HMGB1: variants seen among roughly 807,000 people sequenced by gnomAD.
HMGB1 encodes the protein high mobility group protein B1.
For missense variants in HMGB1, 79 were observed against 253.5 expected (o/e 0.31, Z 4.67); for synonymous variants, 81 against 84.0 (o/e 0.96, Z 0.19).
chr13:30,613,648 T>A (rs749563447), intron 1 of HMGB1, among the ~76,000 whole-genome samples: 8 of 152,244 alleles, frequency 5.3e-5, no homozygotes, highest in Non-Finnish European at 1.2e-4. Context: ...ATATTATGTA[T>A]GTACATACAT....
chr13:30,475,107 C>A (rs1270699017), intron 1 of HMGB1, among the ~76,000 whole-genome samples: 1 of 107,294 alleles, frequency 9.3e-6, no homozygotes, highest in African/African-American at 3.7e-5. Flanking sequence ...GTGGTGCAAC[C>A]TTGGCTCACT....
chr13:30,504,685 T>C (rs777370983), intron 1 of HMGB1, among the ~76,000 whole-genome samples: 7 of 152,142 alleles, frequency 4.6e-5, no homozygotes, highest in African/African-American at 1.7e-4. Context: ...GGATTATCCT[T>C]ACAGATGAAA....
intron 1 of HMGB1, among the ~76,000 whole-genome samples, chr13:30,558,505 A>G (rs899749475): frequency 2.0e-5 from 3 of 152,254 alleles, no homozygotes; most frequent in Admixed American, 1.3e-4. Context: ...TCATGTAAAA[A>G]AAGATTTTTT....
chr13:30,505,657 C>T (rs113559317), intron 1 of HMGB1, among the ~76,000 whole-genome samples: 4 of 151,942 alleles, frequency 2.6e-5, no homozygotes, highest in African/African-American at 7.3e-5. Context: ...TAGAGTATAA[C>T]GAAACCCCCT....
At chr13:30,488,439 C>G (rs1253326577) in intron 1 of HMGB1, among the ~76,000 whole-genome samples, 1 of 151,932 alleles carries the variant, frequency 6.6e-6, no homozygotes, top group African/African-American at 2.4e-5. Context: ...AAGTAGTAAA[C>G]AGACATCCAC....
Position 30,461,604 on chromosome 13 carries a change from G to A in HMGB1, c.472-71C>T. The A allele has an allele frequency of 2.5e-6, 4 of 1,572,360 alleles. No homozygotes were observed. In the South Asian group the frequency reaches 4.7e-5, roughly 18 times the overall value. On this transcript the variant is annotated intron_variant, in intron 4 of 4. Transcript: ENST00000341423. ...TTAAGGAAAGAAATAGAACATGGCA[G>A]AACTTTATGAAAGAAATCAAGATTC... is the stretch of plus-strand genomic sequence containing the variant.
intron 1 of HMGB1, among the ~76,000 whole-genome samples, chr13:30,521,226 G>C (rs1888231717): frequency 6.6e-6 from 1 of 152,000 alleles, no homozygotes; most frequent in South Asian, 2.1e-4. Flanking sequence ...CGGTTTTATT[G>C]AAATGAAATT....
At chr13:30,553,658 A>C in intron 1 of HMGB1, 2 of 721,786 alleles carry the variant, frequency 2.8e-6, no homozygotes, top group South Asian at 3.0e-5. Context: ...AAGATTCACT[A>C]TTTGTCCCAG....
chr13:30,595,293 G>A (rs1480182361), intron 1 of HMGB1, among the ~76,000 whole-genome samples: 1 of 152,118 alleles, frequency 6.6e-6, no homozygotes, highest in South Asian at 2.1e-4. Context: ...AATGGTAGAG[G>A]TAATTTGCAC....
At chr13:30,553,674 C>A in intron 1 of HMGB1, 1 of 790,590 alleles carries the variant, frequency 1.3e-6, no homozygotes, top group Non-Finnish European at 2.2e-6. Flanking sequence ...CCCAGCCATG[C>A]CCACCATCAT....
intron 1 of HMGB1, among the ~76,000 whole-genome samples, chr13:30,477,524 C>T (rs1430084364): frequency 6.6e-6 from 1 of 152,194 alleles, no homozygotes; most frequent in East Asian, 1.9e-4. Context: ...GAAGCTTGTG[C>T]CAACACAGTG....
At chr13:30,483,724 C>T (rs1887293602) in intron 1 of HMGB1, among the ~76,000 whole-genome samples, 1 of 151,394 alleles carries the variant, frequency 6.6e-6, no homozygotes, top group Non-Finnish European at 1.5e-5. Context: ...AGCGATCCTC[C>T]CTCCTCAGCC....
At chr13:30,471,654 CTTTTTTTTTTTTTT>C (rs1171119586) in intron 1 of HMGB1, among the ~76,000 whole-genome samples, 1 of 30,616 alleles carries the variant, frequency 3.3e-5, no homozygotes, top group Non-Finnish European at 5.7e-5. Flanking sequence ...CGTGCCCGGC[CTTTTTTTTTTTTTT>C]TTTTTTTTTT....
chr13:30,463,143 C>G, intron 3 of HMGB1, 64 bp downstream of exon 3: 1 of 1,491,712 alleles, frequency 6.7e-7, no homozygotes, highest in African/African-American at 1.4e-5. Flanking sequence ...AAGTAGCTTG[C>G]TAAATTTCTC....
intron 1 of HMGB1, among the ~76,000 whole-genome samples, chr13:30,543,806 GT>G (rs1369478360): frequency 6.6e-6 from 1 of 152,162 alleles, no homozygotes; most frequent in Non-Finnish European, 1.5e-5. Context: ...CTTATTGAGA[GT>G]TTACAGTCAA....
chr13:30,464,440 G>A (rs1456177724), intron 1 of HMGB1: 3 of 985,228 alleles, frequency 3.0e-6, no homozygotes, highest in Non-Finnish European at 3.6e-6. Flanking sequence ...TTTTGGAGCC[G>A]TGAAAGTTGG....
intron 1 of HMGB1, among the ~76,000 whole-genome samples, chr13:30,547,624 ATT>A (rs59336080): frequency 2.0e-5 from 3 of 146,974 alleles, no homozygotes; most frequent in African/African-American, 7.5e-5. Context: ...AGGACTTTAG[ATT>A]TTTTTTTTTT....
chr13:30,479,824 T>C (rs569961358), intron 1 of HMGB1, among the ~76,000 whole-genome samples: 1 of 152,342 alleles, frequency 6.6e-6, no homozygotes, highest in Admixed American at 6.5e-5. Flanking sequence ...TCAACAGATG[T>C]TGGATGTTAT....
At position 30,560,497 on chromosome 13, in the gene HMGB1, G is replaced by A. The variant is rs1869901655; in HGVS notation, c.-15+56174C>T. Among the ~76,000 whole-genome samples the A allele has an allele frequency of 4.6e-5, 7 of 152,220 alleles. No homozygotes were observed. The South Asian group carries it at 1.4e-3, about 31-fold the overall frequency. ...TCAAGAAGCTCAAATCTGAAGGTTA[G>A]GAGAATTAGGTCAGTAGCTAGAAGG... On this transcript the variant is annotated intron_variant, in intron 1 of 4. Transcript: ENST00000405805.
Sources: gnomAD v4.1 joint callset for allele counts (sites outside exome capture counted in the v4.1 genomes callset) on GRCh38, gnomAD v4.1.1 for gene constraint, MANE v1.5 for transcripts, NCBI Gene and HGNC (gene_info 2026-07-23, HGNC 2026-07-21) for gene names.